The following MAF variants were observed in gnomAD, a reference collection of about 807,000 sequenced individuals.
The protein encoded by MAF is transcription factor Maf.
Under a neutral mutation model 22.0 loss-of-function variants are expected in MAF, and 10 were observed. The observed-to-expected ratio is 0.45, with a 90% CI of 0.28 to 0.77. The LOEUF (loss-of-function observed/expected upper bound fraction) is 0.77. Ranked by LOEUF, MAF falls within the 30% of genes least tolerant of loss-of-function variation. MAF has a pLI of 0.12. For synonymous variants in MAF, 337 were observed against 255.8 expected (o/e 1.32, Z -3.03); for missense variants, 544 against 548.4 (o/e 0.99, Z 0.08).
chr16:79,284,182 A>G, the MAF span, among the ~76,000 whole-genome samples: 2 of 152,176 alleles, frequency 1.3e-5, no homozygotes, highest in African/African-American at 4.8e-5. Flanking sequence ...AGGAGCTTAA[A>G]GCAAACAAGC....
chr16:79,531,566 G>C, the MAF span, among the ~76,000 whole-genome samples: 4 of 152,238 alleles, frequency 2.6e-5, no homozygotes, highest in African/African-American at 7.2e-5. Context: ...GGGTTGATGG[G>C]AGACTGTGAC....
At chr16:79,549,851 G>A in the MAF span, among the ~76,000 whole-genome samples, 1 of 152,118 alleles carries the variant, frequency 6.6e-6, no homozygotes, top group South Asian at 2.1e-4. Context: ...CTTATGAAGT[G>A]ATCATTCCGT....
chr16:79,587,401 T>A (rs561706575), intron 1 of MAF, among the ~76,000 whole-genome samples: 4 of 150,748 alleles, frequency 2.7e-5, no homozygotes, highest in African/African-American at 9.7e-5. Flanking sequence ...CTAATCTCTT[T>A]AAAAAAAAAC....
chr16:79,226,071 A>T, the MAF span, among the ~76,000 whole-genome samples: 2 of 152,094 alleles, frequency 1.3e-5, no homozygotes, highest in Non-Finnish European at 2.9e-5. Flanking sequence ...TATAAAGACA[A>T]ATGCACACGT....
chr16:79,258,436 T>C, the MAF span, among the ~76,000 whole-genome samples: 2 of 152,170 alleles, frequency 1.3e-5, no homozygotes, highest in Admixed American at 6.5e-5. Context: ...TCAGCACTGT[T>C]CCAGGGAGAG....
the MAF span, among the ~76,000 whole-genome samples, chr16:79,356,788 C>T: frequency 3.3e-5 from 5 of 152,182 alleles, no homozygotes; most frequent in Non-Finnish European, 7.3e-5. Context: ...GGGTCCAAGG[C>T]CACATGCTGT....
chr16:79,332,101 CAT>C, the MAF span, among the ~76,000 whole-genome samples: 1 of 152,102 alleles, frequency 6.6e-6, no homozygotes, highest in Non-Finnish European at 1.5e-5. Context: ...ACTCGATAAA[CAT>C]GTGTAGAATG....
chr16:79,527,591 G>A, the MAF span, among the ~76,000 whole-genome samples: 9 of 152,036 alleles, frequency 5.9e-5, no homozygotes, highest in Non-Finnish European at 8.8e-5. Flanking sequence ...CCACTTCTTA[G>A]GGAAGTCCCA....
chr16:79,461,822 AG>A, the MAF span, among the ~76,000 whole-genome samples: 1 of 152,152 alleles, frequency 6.6e-6, no homozygotes, highest in Non-Finnish European at 1.5e-5. Flanking sequence ...CTCCTATGCC[AG>A]TTTTCCACTT....
the MAF span, among the ~76,000 whole-genome samples, chr16:79,426,941 G>C: frequency 6.6e-6 from 1 of 152,216 alleles, no homozygotes; most frequent in Non-Finnish European, 1.5e-5. Flanking sequence ...CATTCTTTGT[G>C]TGCCTGAATC....
the MAF span, among the ~76,000 whole-genome samples, chr16:79,483,976 G>A: frequency 4.6e-5 from 7 of 152,146 alleles, no homozygotes; most frequent in African/African-American, 1.7e-4. Flanking sequence ...TACCAGTGGT[G>A]GTAGGGATGG....
At chr16:79,278,810 C>A in the MAF span, among the ~76,000 whole-genome samples, 2 of 152,096 alleles carry the variant, frequency 1.3e-5, no homozygotes, top group Admixed American at 6.5e-5. Flanking sequence ...TGCCTGCTGG[C>A]CCCCAAGTGT....
the MAF span, among the ~76,000 whole-genome samples, chr16:79,236,616 G>A: frequency 6.6e-6 from 1 of 152,062 alleles, no homozygotes; most frequent in Non-Finnish European, 1.5e-5. Flanking sequence ...ATATTGTGAA[G>A]AAATTAGGGA....
At chr16:79,400,480 G>A in the MAF span, among the ~76,000 whole-genome samples, 11 of 152,370 alleles carry the variant, frequency 7.2e-5, no homozygotes, top group Non-Finnish European at 1.0e-4. Flanking sequence ...TGCCTGGCCT[G>A]GTTAAGTACT....
chr16:79,527,996 A>G, the MAF span, among the ~76,000 whole-genome samples: 1 of 152,126 alleles, frequency 6.6e-6, no homozygotes, highest in Admixed American at 6.5e-5. Context: ...GCAAAAAATT[A>G]GCCGGGCGTG....
At chr16:79,254,298 G>T in the MAF span, among the ~76,000 whole-genome samples, 7 of 151,984 alleles carry the variant, frequency 4.6e-5, no homozygotes, top group African/African-American at 1.7e-4. Flanking sequence ...AGTGTATGCT[G>T]ATAGAGTTAT....
chr16:79,377,880 G>C, the MAF span, among the ~76,000 whole-genome samples: 1 of 152,154 alleles, frequency 6.6e-6, no homozygotes, highest in Non-Finnish European at 1.5e-5. Flanking sequence ...CTGTTCCATT[G>C]GTCTATATCT....
chr16:79,462,532 C>T, the MAF span, among the ~76,000 whole-genome samples: 2 of 152,208 alleles, frequency 1.3e-5, no homozygotes, highest in African/African-American at 2.4e-5. Context: ...CACCTCTTGC[C>T]AAGGGTGTTC....
the MAF span, among the ~76,000 whole-genome samples, chr16:79,468,878 G>A: frequency 2.5e-4 from 38 of 152,160 alleles, no homozygotes; most frequent in Middle Eastern, 3.4e-3. Context: ...TTCTAATGGC[G>A]ACCTCTTGTA....
Sources: gnomAD v4.1 joint callset for allele counts (sites outside exome capture counted in the v4.1 genomes callset) on GRCh38, gnomAD v4.1.1 for gene constraint, MANE v1.5 for transcripts, NCBI Gene and HGNC (gene_info 2026-07-23, HGNC 2026-07-21) for gene names.